The following LOXHD1 variants were observed in gnomAD, a reference collection of about 807,000 sequenced individuals.
The protein encoded by LOXHD1 is lipoxygenase homology domain-containing protein 1.
Under a neutral mutation model 248.2 loss-of-function variants are expected in LOXHD1, and 205 were observed. The ratio of observed to expected loss-of-function variants is 0.83; its 90% confidence interval spans 0.74 to 0.93. The LOEUF (loss-of-function observed/expected upper bound fraction) is 0.93. LOXHD1 is among the 40% of genes least tolerant of loss of function. The pLI, the probability that LOXHD1 is intolerant of heterozygous loss-of-function variation, is 0.00. For missense variants in LOXHD1, 2,930 were observed against 2,971.6 expected (o/e 0.99, Z 0.33); for synonymous variants, 1,113 against 1,162.8 (o/e 0.96, Z 0.87).
In LOXHD1 at chr18:46,542,821, GCT is replaced by G; in HGVS notation, c.3652_3653del (p.Ser1218ArgfsTer2). On this transcript the variant is annotated frameshift_variant, in exon 24 of 41. Transcript: ENST00000642948. LOFTEE classifies it high-confidence loss of function. ...MTLLKSSKTN[S>X]DKFERDSIEI... is the part of the protein sequence containing the mutation. ...CAATGCTGTCCCTCTCAAACTTATC[GCT>G]GTTTGTCTTGGAGGACTTCAGGAGG... is the stretch of plus-strand genomic sequence containing the variant. 6.4e-7 allele frequency: 1 copy of G among 1,551,568 alleles called. No individual in the cohort carries two copies. Among genetic ancestry groups the G allele is most frequent in the Non-Finnish European group, 8.7e-7 (1 of 1,146,964 alleles).
At chr18:46,632,220 T>C (rs2144359698) in intron 4 of LOXHD1, among the ~76,000 whole-genome samples, 1 of 152,242 alleles carries the variant, frequency 6.6e-6, no homozygotes, top group East Asian at 1.9e-4. Flanking sequence ...CTCAAAGTCA[T>C]ATAGCTAGGA....
chr18:46,535,581 T>TTTG (rs59194307), intron 26 of LOXHD1, among the ~76,000 whole-genome samples: 7,732 of 128,882 alleles, frequency 0.06, 602 homozygotes, highest in African/African-American at 0.2. Flanking sequence ...TGCCTCTGTT[T>TTTG]TTGTTGTTGT....
chr18:46,607,494 T>C (rs1331645131), intron 6 of LOXHD1, among the ~76,000 whole-genome samples: 3 of 150,970 alleles, frequency 2.0e-5, no homozygotes, highest in African/African-American at 7.3e-5. Flanking sequence ...ATAAGTGATA[T>C]ATATATATTA....
intron 34 of LOXHD1, among the ~76,000 whole-genome samples, chr18:46,517,524 A>C (rs2035319342): frequency 6.6e-6 from 1 of 152,206 alleles, no homozygotes; most frequent in African/African-American, 2.4e-5. Context: ...TGCTTGGCAC[A>C]AAACAAGCTT....
At chr18:46,492,013 G>A (rs1471649008) in intron 37 of LOXHD1, among the ~76,000 whole-genome samples, 6 of 152,200 alleles carry the variant, frequency 3.9e-5, no homozygotes, top group African/African-American at 1.4e-4. Flanking sequence ...TGTGCCTGCT[G>A]CTCACTTAAT....
At chr18:46,616,038 A>G (rs555890544) in intron 5 of LOXHD1, among the ~76,000 whole-genome samples, 2 of 152,118 alleles carry the variant, frequency 1.3e-5, no homozygotes, top group Non-Finnish European at 2.9e-5. Context: ...TTTTCCTGGT[A>G]TATTTTATTT....
chr18:46,574,388 T>TACACACACACACACACACACAC (rs569144159), intron 14 of LOXHD1, among the ~76,000 whole-genome samples: 5,406 of 125,036 alleles, frequency 0.043, 206 homozygotes, highest in Admixed American at 0.072. Context: ...TGTGTACACA[T>TACACACACACACACACACACAC]ACACACACAC....
At chr18:46,540,725 C>G (rs2036525873) in intron 25 of LOXHD1, among the ~76,000 whole-genome samples, 1 of 128,992 alleles carries the variant, frequency 7.8e-6, no homozygotes, top group Non-Finnish European at 1.6e-5. Flanking sequence ...TACGTTTGTC[C>G]TCAAGGGTCC....
chr18:46,477,281 C>T lies in LOXHD1; in HGVS notation c.*191G>A, dbSNP rs866730733. 2 of 815,758 alleles carry T rather than the reference C, an allele frequency of 2.5e-6. No individual in the cohort carries two copies. Among genetic ancestry groups the T allele is most frequent in the South Asian group, 1.4e-5 (1 of 69,542 alleles). 50.5% of individuals were successfully genotyped at this position (815,758 alleles called of 1,614,324 possible). A position where few individuals can be genotyped will look rare whatever the true frequency, so the allele number is the denominator to read the frequency against. On this transcript the variant is annotated 3_prime_UTR_variant, in exon 41 of 41. Coordinates refer to ENST00000642948, the MANE Select transcript of LOXHD1 (RefSeq NM_001384474.1). ...TTTTGGGCAGCCACAGATTATGACA[C>T]ATGCTAATTATTATCACTGTAGGTT...
Position 46,534,381 on chromosome 18 carries a change from C to T in LOXHD1, c.4166G>A (p.Trp1389Ter), listed in dbSNP as rs1026191325. The T allele has an allele frequency of 1.3e-6, 2 of 1,551,576 alleles. No homozygotes were observed. The highest frequency in any genetic ancestry group is 1.7e-6 in the Non-Finnish European group (2 of 1,146,996). Residue 1389 changes from tryptophan to a stop codon, truncating the protein, a stop_gained, in exon 27 of 41, where the codon TGG (tryptophan) becomes TAG (stop). Transcript: ENST00000642948. LOFTEE classifies it high-confidence loss of function. ...GCGGATGTCCACGTGAGAGCAGTGCCACCCAGGATTCATGCCCGTGTTATT... is the reference window on the plus strand; with the variant it reads ...GCGGATGTCCACGTGAGAGCAGTGCTACCCAGGATTCATGCCCGTGTTATT... ...GHNNTGMNPG[W>*]HCSHVDIRRL...
At position 46,482,819 on chromosome 18, in the gene LOXHD1, TG is replaced by T. The variant is rs545337274; in HGVS notation, c.6341+767del. 3.8e-3 allele frequency among the ~76,000 whole-genome samples: 577 copies of T among 152,266 alleles called. 2 individuals are homozygous for T. Among genetic ancestry groups the T allele is most frequent in the Middle Eastern group, 0.01 (3 of 294 alleles). The stretch of plus-strand genomic sequence containing the variant: ...GGCCAGCCCCAGGGAGAGGTGCAGA[TG>T]TGGGAGCGTCCACAGTGGTTCTGGC... On this transcript the variant is annotated intron_variant, in intron 40 of 40. Transcript: ENST00000642948.
intron 16 of LOXHD1, among the ~76,000 whole-genome samples, chr18:46,567,889 C>T (rs758947277): frequency 5.9e-5 from 9 of 152,096 alleles, no homozygotes; most frequent in Non-Finnish European, 8.8e-5. Context: ...GAGGGGGTTT[C>T]GGAAACTCAG....
rs138498901 is a variant in LOXHD1, at chr18:46,652,594, C to T, written c.131-3325G>A. ...GCAAGAAGGTGGAGCCATTGTCACT[C>T]TCATACATGTAAATTGATCCAAGCA... On this transcript the variant is annotated intron_variant, in intron 1 of 40. Coordinates refer to ENST00000642948, the MANE Select transcript of LOXHD1 (RefSeq NM_001384474.1). 1.0e-3 allele frequency among the ~76,000 whole-genome samples: 158 copies of T among 152,326 alleles called. 1 individual carries two copies. Among genetic ancestry groups the T allele is most frequent in the African/African-American group, 3.6e-3 (150 of 41,560 alleles).
At chr18:46,542,016 C>A in intron 24 of LOXHD1, 76 bp from the exon 25 acceptor site, 1 of 1,386,340 alleles carries the variant, frequency 7.2e-7, no homozygotes, top group Non-Finnish European at 9.7e-7. Context: ...TCAGGGACTC[C>A]TGACTTCCTT....
At chr18:46,589,835 C>T (rs1454679764) in intron 12 of LOXHD1, among the ~76,000 whole-genome samples, 1 of 151,982 alleles carries the variant, frequency 6.6e-6, no homozygotes, top group African/African-American at 2.4e-5. Context: ...GGGCCTAATC[C>T]CTCCTCAGTT....
intron 21 of LOXHD1, among the ~76,000 whole-genome samples, chr18:46,550,403 C>A (rs966440489): frequency 1.1e-4 from 17 of 151,238 alleles, no homozygotes; most frequent in Admixed American, 6.6e-5. Flanking sequence ...GAAACCCCGT[C>A]TCTACTAAAA....
chr18:46,483,686 C>G lies in LOXHD1; in HGVS notation c.6242G>C (p.Cys2081Ser). ...GTCTTCCCTGGCAAGGTGGCCCACA[C>G]AGAGGGAGGCAATGTCCCCCAAGTA... ...SIYLGDIASL[C>S]VGHLAREDRF... The change falls in exon 40 of 41, where the codon TGT (cysteine) becomes TCT (serine). Residue 2081 changes from cysteine (C) to serine (S), a missense_variant. Coordinates refer to ENST00000642948, the MANE Select transcript of LOXHD1 (RefSeq NM_001384474.1). The G allele has an allele frequency of 6.4e-7, 1 of 1,551,784 alleles. No homozygotes were observed. The highest frequency in any genetic ancestry group is 8.7e-7 in the Non-Finnish European group (1 of 1,147,010).
At chr18:46,572,057 C>T (rs749467391) in intron 15 of LOXHD1, 29 bp downstream of exon 15, 188 of 1,547,070 alleles carry the variant, frequency 1.2e-4, no homozygotes, top group Non-Finnish European at 1.6e-4. Flanking sequence ...CAAGGGCACA[C>T]CCAGCACCTG....
At chr18:46,586,399 T>G (rs1191524360) in intron 12 of LOXHD1, among the ~76,000 whole-genome samples, 1 of 151,372 alleles carries the variant, frequency 6.6e-6, no homozygotes, top group African/African-American at 2.4e-5. Context: ...GTAAATTGTA[T>G]GGCACATGAA....
Sources: gnomAD v4.1 joint callset for allele counts (sites outside exome capture counted in the v4.1 genomes callset) on GRCh38, gnomAD v4.1.1 for gene constraint, MANE v1.5 for transcripts, NCBI Gene and HGNC (gene_info 2026-07-23, HGNC 2026-07-21) for gene names.